Variants in TAFA1 observed in about 807,000 individuals in gnomAD.
TAFA1 encodes chemokine-like protein TAFA-1.
In TAFA1, 4 loss-of-function variants were observed where a neutral mutation model predicts 18.5. That is an observed-to-expected ratio of 0.22 (90% CI 0.11 to 0.49). TAFA1 has a LOEUF of 0.49. Among genes scored for constraint, TAFA1 ranks in the 20% least tolerant of loss-of-function variants. The probability of loss-of-function intolerance (pLI) is 0.98; values close to 1 mark genes in which losing one functional copy is unlikely to be tolerated. For missense variants in TAFA1, 147 were observed against 169.0 expected (o/e 0.87, Z 0.72); for synonymous variants, 56 against 55.2 (o/e 1.01, Z -0.06).
intron 2 of TAFA1, among the ~76,000 whole-genome samples, chr3:68,123,246 G>A (rs902751501): frequency 1.3e-5 from 2 of 152,122 alleles, no homozygotes; most frequent in African/African-American, 4.8e-5. Flanking sequence ...GAGAAGGGGC[G>A]ACAGGAGCAC....
chr3:68,515,875 C>G (rs1038443561), intron 3 of TAFA1, among the ~76,000 whole-genome samples: 2 of 152,166 alleles, frequency 1.3e-5, no homozygotes, highest in Admixed American at 6.5e-5. Context: ...AAACTGTGAA[C>G]ACGAGCTCCT....
intron 2 of TAFA1, among the ~76,000 whole-genome samples, chr3:68,371,908 T>C (rs1194422537): frequency 6.6e-6 from 1 of 152,168 alleles, no homozygotes; most frequent in Non-Finnish European, 1.5e-5. Flanking sequence ...GGGGACATGG[T>C]GATCCAGTGC....
Position 68,094,047 on chromosome 3 carries a change from T to C in TAFA1, c.118+87303T>C, listed in dbSNP as rs1048670736. Reference sequence around the variant, plus strand: ...AATAAATCTAATTTGACAGTCAACATGTATAAGGATTTTGTTATTGTAGAT... The same window carrying C: ...AATAAATCTAATTTGACAGTCAACACGTATAAGGATTTTGTTATTGTAGAT... On this transcript the variant is annotated intron_variant, in intron 2 of 4. Transcript: ENST00000478136. Among the ~76,000 whole-genome samples, 10 of 152,148 alleles carry C rather than the reference T, an allele frequency of 6.6e-5. 1 individual carries two copies. The South Asian group carries it at 8.3e-4, about 13-fold the overall frequency.
intron 2 of TAFA1, among the ~76,000 whole-genome samples, chr3:68,392,129 G>A (rs1345864647): frequency 3.9e-5 from 5 of 127,014 alleles, no homozygotes; most frequent in Non-Finnish European, 8.0e-5. Flanking sequence ...CATGTGCAAA[G>A]ACACACATAG....
intron 2 of TAFA1, among the ~76,000 whole-genome samples, chr3:68,017,590 C>G (rs1704595942): frequency 6.6e-6 from 1 of 151,960 alleles, no homozygotes; most frequent in African/African-American, 2.4e-5. Context: ...CTCTTCTATC[C>G]AAAAAATGTG....
At chr3:68,359,824 C>A (rs1466499642) in intron 2 of TAFA1, among the ~76,000 whole-genome samples, 1 of 151,956 alleles carries the variant, frequency 6.6e-6, no homozygotes, top group Non-Finnish European at 1.5e-5. Context: ...AAACAGAGGG[C>A]TTTTTCCATT....
chr3:68,262,126 C>T (rs1024094319), intron 2 of TAFA1, among the ~76,000 whole-genome samples: 4 of 151,330 alleles, frequency 2.6e-5, no homozygotes, highest in African/African-American at 9.7e-5. Flanking sequence ...AGGGCTTTGT[C>T]AACTTGACCA....
chr3:68,087,546 C>A (rs1182997099), intron 2 of TAFA1, among the ~76,000 whole-genome samples: 1 of 114,384 alleles, frequency 8.7e-6, no homozygotes, highest in African/African-American at 3.3e-5. Flanking sequence ...CTCCCTCCTT[C>A]CCTCCCTCCT....
At chr3:68,416,790 C>T (rs1366071981) in intron 2 of TAFA1, among the ~76,000 whole-genome samples, 4 of 152,066 alleles carry the variant, frequency 2.6e-5, no homozygotes, top group Non-Finnish European at 5.9e-5. Context: ...AAATATGTCC[C>T]GAATAGATTT....
At chr3:68,054,014 AT>A (rs2064503465) in intron 2 of TAFA1, among the ~76,000 whole-genome samples, 1 of 152,268 alleles carries the variant, frequency 6.6e-6, no homozygotes, top group South Asian at 2.1e-4. Context: ...CTACTTTTAC[AT>A]TTTAAAAAGT....
intron 3 of TAFA1, among the ~76,000 whole-genome samples, chr3:68,509,835 G>A (rs1285582405): frequency 1.3e-5 from 2 of 152,070 alleles, no homozygotes; most frequent in Non-Finnish European, 2.9e-5. Flanking sequence ...TGCCTCACAG[G>A]GAAATAGTTT....
At chr3:68,313,878 G>A (rs1260975854) in intron 2 of TAFA1, among the ~76,000 whole-genome samples, 1 of 152,108 alleles carries the variant, frequency 6.6e-6, no homozygotes, top group Non-Finnish European at 1.5e-5. Context: ...AGAAATGTGT[G>A]TTTTAATTTT....
At chr3:68,319,425 G>C (rs1303830941) in intron 2 of TAFA1, among the ~76,000 whole-genome samples, 1 of 151,862 alleles carries the variant, frequency 6.6e-6, no homozygotes, top group Non-Finnish European at 1.5e-5. Flanking sequence ...TGGCAGGGAA[G>C]AGGCTTACTG....
At chr3:68,190,411 A>G (rs910779774) in intron 2 of TAFA1, among the ~76,000 whole-genome samples, 3 of 151,872 alleles carry the variant, frequency 2.0e-5, no homozygotes. Flanking sequence ...CTTGACTTTC[A>G]TTGTTCATTT....
intron 2 of TAFA1, among the ~76,000 whole-genome samples, chr3:68,172,240 A>C (rs894697169): frequency 2.6e-5 from 4 of 152,196 alleles, no homozygotes; most frequent in Admixed American, 6.5e-5. Flanking sequence ...AGGCTCCCCA[A>C]TAAGACTAAC....
At chr3:68,072,564 T>C (rs1255025533) in intron 2 of TAFA1, among the ~76,000 whole-genome samples, 5 of 152,080 alleles carry the variant, frequency 3.3e-5, no homozygotes, top group Admixed American at 3.3e-4. Context: ...ATAGAAAGGA[T>C]AGCCAAGAAA....
intron 2 of TAFA1, among the ~76,000 whole-genome samples, chr3:68,414,482 G>A (rs2070774510): frequency 1.3e-5 from 2 of 152,084 alleles, no homozygotes; most frequent in Non-Finnish European, 2.9e-5. Flanking sequence ...CTGAGTTTTG[G>A]GATCTAGTGA....
chr3:68,066,299 G>A (rs1365771667), intron 2 of TAFA1, among the ~76,000 whole-genome samples: 1 of 152,132 alleles, frequency 6.6e-6, no homozygotes, highest in Non-Finnish European at 1.5e-5. Context: ...TTAGTTCCAT[G>A]AGAGCAGATA....
At chr3:67,993,477 T>C in the TAFA1 span, among the ~76,000 whole-genome samples, 3 of 152,206 alleles carry the variant, frequency 2.0e-5, no homozygotes, top group African/African-American at 7.2e-5. Context: ...CAAAAGCTAA[T>C]AAACAAAGTA....
Sources: gnomAD v4.1 joint callset for allele counts (sites outside exome capture counted in the v4.1 genomes callset) on GRCh38, gnomAD v4.1.1 for gene constraint, MANE v1.5 for transcripts, NCBI Gene and HGNC (gene_info 2026-07-23, HGNC 2026-07-21) for gene names.